The following MYO3A variants were observed in gnomAD, a reference collection of about 807,000 sequenced individuals.
MYO3A encodes the protein myosin-IIIa.
In MYO3A, 180 loss-of-function variants were observed where a neutral mutation model predicts 192.7. That is an observed-to-expected ratio of 0.93 (90% CI 0.83 to 1.06). The LOEUF (loss-of-function observed/expected upper bound fraction) is 1.06, where lower values mean the gene tolerates loss of function less well. MYO3A is among the 50% of genes least tolerant of loss of function. MYO3A has a pLI of 0.00. For missense variants in MYO3A, 1,896 were observed against 1,905.0 expected (o/e 1.00, Z 0.09); for synonymous variants, 628 against 645.3 (o/e 0.97, Z 0.41).
chr10:26,051,000 A>T (rs75427261), intron 10 of MYO3A, among the ~76,000 whole-genome samples: 2 of 152,194 alleles, frequency 1.3e-5, no homozygotes, highest in African/African-American at 4.8e-5. Flanking sequence ...AGAGTGTAAC[A>T]TATCTTTTCT....
intron 32 of MYO3A, among the ~76,000 whole-genome samples, chr10:26,195,511 C>T (rs796792610): frequency 1.3e-5 from 2 of 152,106 alleles, no homozygotes; most frequent in South Asian, 2.1e-4. Context: ...TTTTCTGTTA[C>T]GTCTCACTGT....
intron 17 of MYO3A, among the ~76,000 whole-genome samples, chr10:26,101,773 G>A (rs940509091): frequency 6.6e-6 from 1 of 152,224 alleles, no homozygotes; most frequent in Non-Finnish European, 1.5e-5. Context: ...TCCGCTGTTA[G>A]TCTGATGGAC....
At chr10:25,946,288 A>C (rs767137041) in intron 2 of MYO3A, among the ~76,000 whole-genome samples, 11 of 151,934 alleles carry the variant, frequency 7.2e-5, no homozygotes, top group Non-Finnish European at 1.0e-4. Context: ...GTGGTAATGA[A>C]CTCCATCCAT....
chr10:26,120,689 T>C lies in MYO3A; in HGVS notation c.1790T>C (p.Ile597Thr), dbSNP rs768187297. The change falls in exon 18 of 35, where the codon ATA becomes ACA. Residue 597 changes from isoleucine to threonine, a missense_variant. Transcript: ENST00000642920. Reference sequence around the variant, plus strand: ...GGTGTGTTTCAGCAACTTGGTAGTATATACAGCATACTCGCTGCAATCTTG... The same window carrying C: ...GGTGTGTTTCAGCAACTTGGTAGTACATACAGCATACTCGCTGCAATCTTG... ...IGFTMEQLGS[I>T]YSILAAILNV... The C allele has an allele frequency of 2.5e-6, 4 of 1,614,080 alleles. No homozygotes were observed. The East Asian group carries it at 6.7e-5, about 27-fold the overall frequency.
intron 15 of MYO3A, among the ~76,000 whole-genome samples, chr10:26,092,843 C>T (rs573790686): frequency 3.3e-5 from 5 of 152,202 alleles, no homozygotes; most frequent in Non-Finnish European, 2.9e-5. Flanking sequence ...GTGTGGGATA[C>T]TGTAGTGCTC....
chr10:26,055,228 T>C (rs889593054), intron 10 of MYO3A, among the ~76,000 whole-genome samples: 1 of 152,186 alleles, frequency 6.6e-6, no homozygotes, highest in African/African-American at 2.4e-5. Context: ...GTTTGTTTCC[T>C]TTATCAGTGC....
intron 29 of MYO3A, among the ~76,000 whole-genome samples, chr10:26,173,186 C>T (rs1159398185): frequency 6.6e-6 from 1 of 152,110 alleles, no homozygotes; most frequent in Non-Finnish European, 1.5e-5. Flanking sequence ...GTAGCGAGGA[C>T]ATTGCTTTTC....
intron 32 of MYO3A, among the ~76,000 whole-genome samples, chr10:26,200,693 A>G (rs540848205): frequency 2.0e-5 from 3 of 152,384 alleles, no homozygotes; most frequent in South Asian, 4.1e-4. Flanking sequence ...ACCTTGATAC[A>G]TAAAGTTCTC....
chr10:26,149,825 C>T (rs2131885196), intron 23 of MYO3A, among the ~76,000 whole-genome samples: 1 of 152,264 alleles, frequency 6.6e-6, no homozygotes, highest in East Asian at 1.9e-4. Context: ...TCCTATCTAG[C>T]TGACATTTTA....
intron 6 of MYO3A, among the ~76,000 whole-genome samples, chr10:26,008,052 A>G (rs561691375): frequency 6.7e-6 from 1 of 149,742 alleles, no homozygotes; most frequent in South Asian, 2.1e-4. Flanking sequence ...TCAATGGAAC[A>G]GAACAGAGCC....
chr10:25,977,410 G>T (rs771456614), intron 4 of MYO3A, among the ~76,000 whole-genome samples: 25 of 152,252 alleles, frequency 1.6e-4, no homozygotes, highest in African/African-American at 5.3e-4. Context: ...AAGGGGAGGG[G>T]ATTATAAAGA....
rs556012824 is a variant in MYO3A, at chr10:26,092,480, G to A, written c.1563-3901G>A. ...GACTCTGTCTCAAAAAAAAAAGAAT[G>A]CAAACCTTCATTATTAGCTTTCTAA... is the stretch of plus-strand genomic sequence containing the variant. On this transcript the variant is annotated intron_variant, in intron 15 of 34. Transcript: ENST00000642920. Among the ~76,000 whole-genome samples, 394 of 126,120 alleles carry A rather than the reference G, an allele frequency of 3.1e-3. 1 individual carries two copies. Among genetic ancestry groups the A allele is most frequent in the Middle Eastern group, 0.013 (3 of 236 alleles). The allele number at this position is 126,120 out of a possible 152,430, so 82.7% of individuals were successfully genotyped here.
intron 7 of MYO3A, 54 bp from the exon 8 acceptor site, chr10:26,021,449 A>T: frequency 6.3e-7 from 1 of 1,578,452 alleles, no homozygotes; most frequent in Non-Finnish European, 8.7e-7. Context: ...GTATTTTATT[A>T]CATGCTTGTT....
intron 6 of MYO3A, among the ~76,000 whole-genome samples, chr10:26,007,347 C>T (rs1841294436): frequency 6.7e-6 from 1 of 150,274 alleles, no homozygotes; most frequent in Admixed American, 6.6e-5. Context: ...TCTCTCACCA[C>T]TCCTATTCAA....
At chr10:25,940,356 T>C (rs1398473316) in intron 2 of MYO3A, among the ~76,000 whole-genome samples, 1 of 152,108 alleles carries the variant, frequency 6.6e-6, no homozygotes, top group Non-Finnish European at 1.5e-5. Context: ...GATTCTGCTG[T>C]TACAAGTATT....
At position 26,062,515 on chromosome 10, in the gene MYO3A, C is replaced by CAAAAAAAAAAAAAAAAA. The variant is rs573334201; in HGVS notation, c.954-4458_954-4442dup. ...CTGGCGACAGAGTGAGATGCCATCT[C>CAAAAAAAAAAAAAAAAA]AAAAAAAAAAAAAAAAAATTATGGA... On this transcript the variant is annotated intron_variant, in intron 10 of 34. Transcript: ENST00000642920. Among the ~76,000 whole-genome samples the CAAAAAAAAAAAAAAAAA allele has an allele frequency of 2.9e-3, 121 of 42,160 alleles. 9 individuals are homozygous for CAAAAAAAAAAAAAAAAA. Among genetic ancestry groups the CAAAAAAAAAAAAAAAAA allele is most frequent in the Non-Finnish European group, 4.9e-3 (79 of 15,972 alleles). The allele number at this position is 42,160 out of a possible 152,430, so 27.7% of individuals were successfully genotyped here. A position where few individuals can be genotyped will look rare whatever the true frequency, so the allele number is the denominator to read the frequency against.
intron 31 of MYO3A, among the ~76,000 whole-genome samples, chr10:26,185,329 C>CTTT (rs61581382): frequency 4.1e-4 from 26 of 63,878 alleles, no homozygotes; most frequent in East Asian, 1.1e-3. Flanking sequence ...TTCCAGGATT[C>CTTT]TTTTTTTTTT....
intron 10 of MYO3A, among the ~76,000 whole-genome samples, chr10:26,055,701 C>G (rs34028452): frequency 0.16 from 24,716 of 152,144 alleles, 2,285 homozygotes; most frequent in Non-Finnish European, 0.21. Context: ...GCAGAGCATT[C>G]TGTTCCTTTT....
chr10:25,977,662 G>C (rs1359268040), intron 4 of MYO3A, among the ~76,000 whole-genome samples: 1 of 152,044 alleles, frequency 6.6e-6, no homozygotes, highest in Admixed American at 6.6e-5. Flanking sequence ...AATAAAACTT[G>C]TGTTTCATAT....
Sources: allele counts gnomAD v4.1 joint callset (sites outside exome capture counted in the v4.1 genomes callset), GRCh38; gene constraint gnomAD v4.1.1; transcripts MANE v1.5; gene names NCBI Gene and HGNC (gene_info 2026-07-23, HGNC 2026-07-21).